Variants in MID1 observed in about 807,000 individuals in gnomAD.
The protein encoded by MID1 is midline 1, also known as E3 ubiquitin-protein ligase Midline-1.
In MID1, 7 loss-of-function variants were observed where a neutral mutation model predicts 40.4. The observed-to-expected ratio is 0.17, with a 90% CI of 0.10 to 0.33. The LOEUF (loss-of-function observed/expected upper bound fraction) is 0.33, where lower values mean the gene tolerates loss of function less well. MID1 is among the 10% of genes least tolerant of loss of function. The probability of loss-of-function intolerance (pLI) is 1.00; values close to 1 mark genes in which losing one functional copy is unlikely to be tolerated. For missense variants in MID1, 367 were observed against 558.5 expected, an observed-to-expected ratio of 0.66 and a Z score of 3.46; for synonymous variants, 229 against 221.2, an observed-to-expected ratio of 1.04 and a Z score of -0.31.
At chrX:10,637,555 G>A (rs913474153) in intron 1 of MID1, among the ~76,000 whole-genome samples, 1 of 108,655 alleles carries the variant, frequency 9.2e-6, no homozygotes, top group African/African-American at 3.4e-5. Flanking sequence ...AACCCAGGAG[G>A]CAGAGGTTGG....
chrX:10,540,635 A>G (rs1367291774), intron 2 of MID1, among the ~76,000 whole-genome samples: 1 of 111,341 alleles, frequency 9.0e-6, no homozygotes, highest in East Asian at 2.8e-4. Context: ...ATCTCATCCA[A>G]ATAGTCAATT....
intron 2 of MID1, among the ~76,000 whole-genome samples, chrX:10,550,784 C>T (rs961132961): frequency 9.0e-6 from 1 of 111,307 alleles, no homozygotes; most frequent in African/African-American, 3.3e-5. Context: ...TAGCAGCATC[C>T]GTGGCCTTGA....
chrX:10,807,004 GAGGCCA>G (rs1266610857), intron 1 of MID1, among the ~76,000 whole-genome samples: 7 of 112,012 alleles, frequency 6.2e-5, no homozygotes, highest in Non-Finnish European at 1.3e-4. Flanking sequence ...AGCACTTTTG[GAGGCCA>G]AGGTGAGTGG....
intron 1 of MID1, among the ~76,000 whole-genome samples, chrX:10,681,042 A>ATAAT (rs1177380733): frequency 9.8e-6 from 1 of 101,823 alleles, no homozygotes; most frequent in East Asian, 3.0e-4. Context: ...AATAATAATA[A>ATAAT]TAATAATAAT....
intron 1 of MID1, among the ~76,000 whole-genome samples, chrX:10,704,735 T>TACACACACAC (rs1449236211): frequency 1.8e-4 from 15 of 84,882 alleles, no homozygotes; most frequent in South Asian, 5.1e-4. Context: ...TATATATATA[T>TACACACACAC]ATATACACAC....
At chrX:10,736,810 C>T (rs1043581863) in intron 1 of MID1, among the ~76,000 whole-genome samples, 1 of 112,256 alleles carries the variant, frequency 8.9e-6, no homozygotes, top group Non-Finnish European at 1.9e-5. Flanking sequence ...GGCACAGTAT[C>T]TTTAAATAAA....
chrX:10,575,558 A>G (rs1934849339), intron 1 of MID1, among the ~76,000 whole-genome samples: 1 of 112,088 alleles, frequency 8.9e-6, no homozygotes, highest in African/African-American at 3.2e-5. Context: ...CAATTATGCC[A>G]TTTAGTATTT....
intron 1 of MID1, among the ~76,000 whole-genome samples, chrX:10,803,674 T>C (rs1228725328): frequency 9.0e-6 from 1 of 111,475 alleles, no homozygotes; most frequent in African/African-American, 3.3e-5. Flanking sequence ...TTTTCAAGAT[T>C]TTGGTATTGT....
rs780734792 is a variant in MID1 at position 10,447,568 on chromosome X, T to C, written c.*1800A>G. On this transcript the variant is annotated 3_prime_UTR_variant, in exon 10 of 10. Transcript: ENST00000317552. The stretch of plus-strand genomic sequence containing the variant: ...AACCTATAAGGTTTCCAGAGAAAGA[T>C]TGTTTTTTTTCCATTGAGGCGTCCA... 3.6e-5 allele frequency: 4 copies of C among 112,114 alleles called. No homozygotes were observed. Among genetic ancestry groups the C allele is most frequent in the Non-Finnish European group, 5.6e-5 (3 of 53,237 alleles). 9.2% of individuals were successfully genotyped at this position (112,114 alleles called of 1,213,427 possible).
At position 10,500,151 on chromosome X, in the gene MID1, T is replaced by C. The variant is rs566046270; in HGVS notation, c.757-4460A>G. On this transcript the variant is annotated intron_variant, in intron 3 of 9. Coordinates refer to ENST00000317552, the MANE Select transcript of MID1 (RefSeq NM_000381.4). ...CATTGGGAGTTGAGTTACTGCATGG[T>C]AGAAAAAGTATCCCAGTTGCCATTG... 8.9e-4 allele frequency among the ~76,000 whole-genome samples: 100 copies of C among 112,258 alleles called. 2 individuals carry two copies. In the South Asian group the frequency reaches 0.036, roughly 41 times the overall value.
intron 1 of MID1, among the ~76,000 whole-genome samples, chrX:10,754,319 TTTTG>T: frequency 9.4e-6 from 1 of 106,624 alleles, no homozygotes; most frequent in African/African-American, 3.8e-5. Flanking sequence ...GTTTTTTGTT[TTTTG>T]TTTTTTTTGT....
chrX:10,534,424 G>C (rs1933161905), intron 2 of MID1, among the ~76,000 whole-genome samples: 1 of 112,063 alleles, frequency 8.9e-6, no homozygotes, highest in African/African-American at 3.2e-5. Context: ...GCATCCTGCA[G>C]GTACTTCATG....
chrX:10,502,496 G>A (rs1931604468), intron 3 of MID1, among the ~76,000 whole-genome samples: 1 of 111,537 alleles, frequency 9.0e-6, no homozygotes, highest in Admixed American at 9.5e-5. Flanking sequence ...CAAATCCGGA[G>A]GCTACTATTC....
At chrX:10,643,832 A>C (rs1261474465) in intron 1 of MID1, among the ~76,000 whole-genome samples, 1 of 111,980 alleles carries the variant, frequency 8.9e-6, no homozygotes, top group Non-Finnish European at 1.9e-5. Context: ...GCCATAAAAA[A>C]TGATGAGTTC....
Position 10,666,994 on chromosome X carries a change from A to G in MID1, c.-186-46575T>C, listed in dbSNP as rs941534049. Among the ~76,000 whole-genome samples the G allele has an allele frequency of 8.9e-5, 10 of 111,904 alleles. No individual in the cohort carries two copies. The East Asian group carries it at 2.5e-3, about 28-fold the overall frequency. Reference sequence around the variant, plus strand: ...GGAATATTCTTCTTACAAAATAGGTAAAATTCTCACAGGTTTGGAATGGTT... The same window carrying G: ...GGAATATTCTTCTTACAAAATAGGTGAAATTCTCACAGGTTTGGAATGGTT... On this transcript the variant is annotated intron_variant, in intron 1 of 10. Transcript: ENST00000380785.
At chrX:10,616,511 G>A (rs935209963) in intron 1 of MID1, among the ~76,000 whole-genome samples, 3 of 111,324 alleles carry the variant, frequency 2.7e-5, no homozygotes, top group Admixed American at 9.5e-5. Context: ...TTTCACCAAC[G>A]CACAGCCCAG....
chrX:10,501,472 C>T (rs1423404289), intron 3 of MID1: 3 of 1,153,210 alleles, frequency 2.6e-6, no homozygotes, highest in South Asian at 1.9e-5. Flanking sequence ...ATCAGTCTTG[C>T]CTGTAGGGAG....
At chrX:10,480,765 T>G (rs1930274108) in intron 5 of MID1, among the ~76,000 whole-genome samples, 1 of 111,488 alleles carries the variant, frequency 9.0e-6, no homozygotes, top group African/African-American at 3.3e-5. Flanking sequence ...TTAGAAGAGA[T>G]AAGTATCTAA....
At chrX:10,532,388 T>C (rs983396313) in intron 2 of MID1, among the ~76,000 whole-genome samples, 1 of 111,416 alleles carries the variant, frequency 9.0e-6, no homozygotes, top group African/African-American at 3.3e-5. Flanking sequence ...CAGGTCAAAT[T>C]TGTAGACTAC....
Sources: gnomAD v4.1 joint callset for allele counts (sites outside exome capture counted in the v4.1 genomes callset) on GRCh38, gnomAD v4.1.1 for gene constraint, MANE v1.5 for transcripts, NCBI Gene and HGNC (gene_info 2026-07-23, HGNC 2026-07-21) for gene names.